CLASP2: variants seen among roughly 807,000 people sequenced by gnomAD.
CLASP2 encodes the protein CLIP-associating protein 2.
Under a neutral mutation model 194.4 loss-of-function variants are expected in CLASP2, and 47 were observed. The observed-to-expected ratio is 0.24, with a 90% CI of 0.19 to 0.31. The LOEUF is 0.31. Among genes scored for constraint, CLASP2 ranks in the 10% least tolerant of loss-of-function variants. The probability of loss-of-function intolerance (pLI) is 1.00; values close to 1 mark genes in which losing one functional copy is unlikely to be tolerated. For synonymous variants in CLASP2, 619 were observed against 633.5 expected (o/e 0.98, Z 0.34); for missense variants, 1,445 against 1,823.6 (o/e 0.79, Z 3.78).
In CLASP2 at chr3:33,718,039, G is replaced by T. The variant is rs547885199; in HGVS notation, c.-37C>A. On this transcript the variant is annotated 5_prime_UTR_variant, in exon 1 of 39. Transcript: ENST00000682230. ...CCCGCCCGCCTGCCAGTCTGTGAGC[G>T]GCCAACTTTCGCCGAGAGCCGCCCA... 2.8e-6 allele frequency: 4 copies of T among 1,447,586 alleles called. No homozygotes were observed. Among genetic ancestry groups the T allele is most frequent in the Admixed American group, 2.7e-5 (1 of 36,374 alleles). 89.7% of individuals were successfully genotyped at this position (1,447,586 alleles called of 1,614,324 possible). A position where few individuals can be genotyped will look rare whatever the true frequency, so the allele number is the denominator to read the frequency against.
chr3:33,628,693 C>T (rs1281293550), intron 9 of CLASP2, among the ~76,000 whole-genome samples: 1 of 151,982 alleles, frequency 6.6e-6, no homozygotes, highest in African/African-American at 2.4e-5. Context: ...TAAATCATTT[C>T]GGAACTCAGG....
intron 34 of CLASP2, among the ~76,000 whole-genome samples, chr3:33,519,908 TA>T (rs1479988739): frequency 7.2e-5 from 11 of 152,226 alleles, no homozygotes; most frequent in African/African-American, 2.7e-4. Context: ...TTACCAAATA[TA>T]AAATATGTGA....
chr3:33,675,691 T>C (rs1436205681), intron 6 of CLASP2, among the ~76,000 whole-genome samples: 57 of 147,014 alleles, frequency 3.9e-4, no homozygotes, highest in African/African-American at 5.9e-4. Flanking sequence ...GAAAACCCCA[T>C]TGTCTCAGCC....
At chr3:33,699,913 A>G (rs1457100779) in intron 1 of CLASP2, among the ~76,000 whole-genome samples, 1 of 151,368 alleles carries the variant, frequency 6.6e-6, no homozygotes, top group African/African-American at 2.4e-5. Flanking sequence ...TCATAATTCT[A>G]TACCTAGTTA....
At position 33,575,775 on chromosome 3, in the gene CLASP2, C is replaced by T. The variant is rs117180592; in HGVS notation, c.2454+394G>A. 2.1e-3 allele frequency among the ~76,000 whole-genome samples: 323 copies of T among 152,074 alleles called. 1 individual carries two copies. The East Asian group carries it at 0.041, about 19-fold the overall frequency. On this transcript the variant is annotated intron_variant, in intron 24 of 38. Transcript: ENST00000682230. ...GTACTTTCTTTTAGTTCAAAAAACA[C>T]AGATAAAATACTAAACAAAATCCAG...
chr3:33,548,924 T>C (rs922702031), intron 30 of CLASP2, among the ~76,000 whole-genome samples: 1 of 151,860 alleles, frequency 6.6e-6, no homozygotes, highest in Non-Finnish European at 1.5e-5. Context: ...TGCACCACCA[T>C]ACCCACCTAA....
intron 21 of CLASP2, among the ~76,000 whole-genome samples, chr3:33,586,197 C>T (rs1002940837): frequency 3.3e-5 from 5 of 151,586 alleles, no homozygotes; most frequent in East Asian, 1.9e-4. Context: ...TGCAGTGGCG[C>T]GATCTCGGCT....
In CLASP2 at chr3:33,626,995, G is replaced by C; in HGVS notation, c.1028C>G (p.Ala343Gly). 1 of 1,580,308 alleles carries C rather than the reference G, an allele frequency of 6.3e-7. No individual in the cohort carries two copies. Among genetic ancestry groups the C allele is most frequent in the Non-Finnish European group, 8.6e-7 (1 of 1,159,782 alleles). Reference sequence around the variant, plus strand: ...TTAAAGACAAAAACTTACTGCATTGGCACGCTGATCCCAGTCATGTTTATC... The same window carrying C: ...TTAAAGACAAAAACTTACTGCATTGCCACGCTGATCCCAGTCATGTTTATC... ...SDDKHDWDQR[A>G]NALKKIRSLL... The change falls in exon 10 of 39, where the codon GCC becomes GGC. Residue 343 changes from alanine (A) to glycine (G), a missense_variant. Around this residue, in one of 4 missense-constraint regions of CLASP2, gnomAD observed 207 missense variants for 331.4 expected, o/e 0.62. Transcript: ENST00000682230.
chr3:33,628,648 C>A (rs946880969), intron 9 of CLASP2, among the ~76,000 whole-genome samples: 1 of 152,066 alleles, frequency 6.6e-6, no homozygotes, highest in African/African-American at 2.4e-5. Context: ...TTTGAGACAT[C>A]TGAAAGGGGG....
intron 22 of CLASP2, 54 bp downstream of exon 22, chr3:33,584,696 A>G: frequency 3.3e-6 from 3 of 911,266 alleles, no homozygotes; most frequent in Non-Finnish European, 4.4e-6. Flanking sequence ...CAAAGCCTGA[A>G]AAAAAAAAAA....
intron 6 of CLASP2, among the ~76,000 whole-genome samples, chr3:33,683,931 CA>C (rs35349805): frequency 0.42 from 32,886 of 79,008 alleles, 3,775 homozygotes; most frequent in Admixed American, 0.5. Flanking sequence ...GACTCTGTCT[CA>C]AAAAAAAAAA....
At chr3:33,555,879 AATGT>A (rs2060836252) in intron 29 of CLASP2, among the ~76,000 whole-genome samples, 1 of 152,246 alleles carries the variant, frequency 6.6e-6, no homozygotes, top group Non-Finnish European at 1.5e-5. Flanking sequence ...GGTTTCACAG[AATGT>A]ATGTGTTTAC....
At chr3:33,709,359 T>C (rs568518305) in intron 1 of CLASP2, among the ~76,000 whole-genome samples, 1 of 152,304 alleles carries the variant, frequency 6.6e-6, no homozygotes, top group East Asian at 1.9e-4. Flanking sequence ...CAATACTGTT[T>C]ATTGAAGACA....
intron 6 of CLASP2, among the ~76,000 whole-genome samples, chr3:33,671,874 G>A (rs1397830449): frequency 6.6e-6 from 1 of 152,192 alleles, no homozygotes; most frequent in East Asian, 1.9e-4. Context: ...CTGCAAGGCG[G>A]CAGCGAGGCT....
intron 20 of CLASP2, among the ~76,000 whole-genome samples, chr3:33,593,298 T>C (rs1461534278): frequency 6.6e-6 from 1 of 152,160 alleles, no homozygotes; most frequent in Non-Finnish European, 1.5e-5. Context: ...TATTGGTGGG[T>C]ACTTTGGTGT....
chr3:33,717,795 C>T lies in CLASP2; in HGVS notation c.195+13G>A. The T allele has an allele frequency of 6.4e-7, 1 of 1,550,992 alleles. No individual in the cohort carries two copies. On this transcript the variant is annotated intron_variant, in intron 1 of 38. Transcript: ENST00000682230. ...GAGGGCGTGACCAGCCCAGCCTCGC[C>T]GCCGTCGCTTACCCGGTAGTTGCTC...
intron 1 of CLASP2, among the ~76,000 whole-genome samples, chr3:33,711,232 T>A (rs1309913876): frequency 6.7e-6 from 1 of 150,228 alleles, no homozygotes; most frequent in Non-Finnish European, 1.5e-5. Flanking sequence ...CTGAGTGGGA[T>A]TAACCAGTAT....
intron 32 of CLASP2, among the ~76,000 whole-genome samples, chr3:33,539,842 G>A (rs1273921996): frequency 6.6e-6 from 1 of 151,946 alleles, no homozygotes; most frequent in African/African-American, 2.4e-5. Flanking sequence ...CCCAGTAATG[G>A]TACTGCTTGA....
chr3:33,537,287 T>A (rs1397804377), intron 33 of CLASP2, among the ~76,000 whole-genome samples: 2 of 152,114 alleles, frequency 1.3e-5, no homozygotes, highest in Non-Finnish European at 2.9e-5. Context: ...ACCTCAAATA[T>A]CAGTGATAAG....
Sources: allele counts gnomAD v4.1 joint callset (sites outside exome capture counted in the v4.1 genomes callset), GRCh38; gene constraint gnomAD v4.1.1; regional missense constraint gnomAD v4.1.1; transcripts MANE v1.5; gene names NCBI Gene and HGNC (gene_info 2026-07-23, HGNC 2026-07-21).